Variants in COQ8B observed in about 807,000 individuals in gnomAD.
The protein encoded by COQ8B is coenzyme Q8B, also known as atypical kinase COQ8B, mitochondrial.
A neutral mutation model predicts 62.0 loss-of-function variants in COQ8B; 44 were observed. The ratio of observed to expected loss-of-function variants is 0.71; its 90% confidence interval spans 0.56 to 0.91. The LOEUF is 0.91. Among genes scored for constraint, COQ8B ranks in the 40% least tolerant of loss-of-function variants. The pLI is 0.00. For synonymous variants in COQ8B, 252 were observed against 289.9 expected (o/e 0.87, Z 1.33); for missense variants, 649 against 731.6 (o/e 0.89, Z 1.30).
intron 5 of COQ8B, among the ~76,000 whole-genome samples, chr19:40,707,607 C>T (rs895273242): frequency 1.3e-5 from 2 of 152,130 alleles, no homozygotes; most frequent in East Asian, 1.9e-4. Context: ...GCACCCACCA[C>T]CACATCCAGC....
chr19:40,713,562 A>T (rs920343888), intron 4 of COQ8B, among the ~76,000 whole-genome samples: 3 of 150,994 alleles, frequency 2.0e-5, no homozygotes, highest in African/African-American at 7.3e-5. Context: ...AAAAAAAAAA[A>T]AAAAATAGCC....
At position 40,714,277 on chromosome 19, in the gene COQ8B, C is replaced by T. The variant is rs1472651042; in HGVS notation, c.222+1G>A. ...TGCTGGGTGGGTGGGGGTAATGATA[C>T]CTGGGGCCGGGGTGTCTTCCTGGGA... On this transcript the variant is annotated splice_donor_variant, in intron 3 of 14. Transcript: ENST00000324464. LOFTEE classifies it high-confidence loss of function. The T allele has an allele frequency of 3.1e-6, 5 of 1,611,348 alleles. No homozygotes were observed. The South Asian group carries it at 3.3e-5, about 11-fold the overall frequency.
chr19:40,700,589 T>C, intron 10 of COQ8B, 138 bp from the exon 11 acceptor site: 1 of 1,107,690 alleles, frequency 9.0e-7, no homozygotes, highest in Non-Finnish European at 1.3e-6. Flanking sequence ...CTCTTGCTGC[T>C]GTCTGCCCTG....
At chr19:40,714,905 G>C (rs941991143) in intron 1 of COQ8B, 7 of 1,244,548 alleles carry the variant, frequency 5.6e-6, no homozygotes, top group Non-Finnish European at 7.1e-6. Context: ...CAGTTCCTCA[G>C]GGGCTACCTC....
chr19:40,697,845 T>TAGAGAGAGAGAGAGAG (rs1370534076), intron 12 of COQ8B, among the ~76,000 whole-genome samples: 3 of 52,504 alleles, frequency 5.7e-5, no homozygotes, highest in African/African-American at 2.7e-4. Flanking sequence ...TATATATATA[T>TAGAGAGAGAGAGAGAG]ATATATAGAG....
chr19:40,700,956 G>A (rs1185988283), intron 10 of COQ8B: 2 of 159,238 alleles, frequency 1.3e-5, no homozygotes, highest in South Asian at 1.8e-4. Context: ...TGGGGACAGA[G>A]CAGTGAATGA....
At chr19:40,704,178 C>A in intron 7 of COQ8B, 1 of 214,148 alleles carries the variant, frequency 4.7e-6, no homozygotes, top group African/African-American at 2.6e-5. Context: ...GAGACAGGGT[C>A]TTGTTCTGTA....
At chr19:40,700,825 T>C (rs2082055429) in intron 10 of COQ8B, 1 of 225,128 alleles carries the variant, frequency 4.4e-6, no homozygotes, top group Non-Finnish European at 9.1e-6. Flanking sequence ...AAGTAGTCAC[T>C]GGTATCAAAA....
chr19:40,715,672 C>T, intron 1 of COQ8B: 17 of 941,248 alleles, frequency 1.8e-5, no homozygotes, highest in Non-Finnish European at 2.2e-5. Flanking sequence ...GTCTCTGTTC[C>T]CTCACACACC....
Position 40,692,046 on chromosome 19 carries a change from C to T in COQ8B, c.1624G>A (p.Asp542Asn). 1.2e-6 allele frequency: 2 copies of T among 1,601,648 alleles called. No homozygotes were observed. Among genetic ancestry groups the T allele is most frequent in the Middle Eastern group, 1.8e-4 (1 of 5,684 alleles). ...SLPTKGDSWVDPS is the reference protein window; with the variant it reads ...SLPTKGDSWVNPS The stretch of plus-strand genomic sequence containing the variant: ...CCCCATGGAGGCTGTCATGAGGGAT[C>T]CACCCAGGAGTCCCCTTTGGTGGGG... Residue 542 changes from aspartate (D) to asparagine (N), a missense_variant, in exon 15 of 15, where the codon GAT becomes AAT. Transcript: ENST00000324464.
chr19:40,715,880 C>T, intron 1 of COQ8B: 1 of 151,298 alleles, frequency 6.6e-6, no homozygotes, highest in Non-Finnish European at 1.5e-5. Flanking sequence ...TGCGCGCGCG[C>T]GTTGGAAAGC....
At chr19:40,706,443 C>G (rs2082101640) in intron 5 of COQ8B, among the ~76,000 whole-genome samples, 1 of 152,140 alleles carries the variant, frequency 6.6e-6, no homozygotes, top group Admixed American at 6.6e-5. Context: ...CGTGTGTACT[C>G]TTGTGTTTTA....
Position 40,695,994 on chromosome 19 carries a change from T to C in COQ8B, c.1204A>G (p.Ile402Val), listed in dbSNP as rs2082012104. 9.3e-6 allele frequency: 15 copies of C among 1,614,142 alleles called. No individual in the cohort carries two copies. Among genetic ancestry groups the C allele is most frequent in the Non-Finnish European group, 9.3e-6 (11 of 1,180,020 alleles). ...GGGGTCTGGGGGAGACTCACCTCGA[T>C]GTAATGGTCTGTGAACTCTGTCCCA... Reference protein sequence around the residue: ...EFGTEFTDHYIEVVKAAADGD... With the variant: ...EFGTEFTDHYVEVVKAAADGD... The change falls in exon 13 of 15, where the codon ATC (isoleucine) becomes GTC (valine). Residue 402 changes from isoleucine (I) to valine (V), a missense_variant. Coordinates refer to ENST00000324464, the MANE Select transcript of COQ8B (RefSeq NM_024876.4).
At chr19:40,694,751 G>A (rs1380499901) in intron 13 of COQ8B, among the ~76,000 whole-genome samples, 1 of 152,136 alleles carries the variant, frequency 6.6e-6, no homozygotes, top group Non-Finnish European at 1.5e-5. Context: ...TACCCTCCGA[G>A]CCTTTTCCCA....
intron 5 of COQ8B, among the ~76,000 whole-genome samples, chr19:40,709,717 C>T (rs2082126346): frequency 6.6e-6 from 1 of 152,120 alleles, no homozygotes; most frequent in African/African-American, 2.4e-5. Flanking sequence ...TGGCATGTGC[C>T]TATAATCCCA....
chr19:40,714,134 C>A lies in COQ8B; in HGVS notation c.223-1G>T. ...TGCGTTCTCGAGAGCGGTCACTCAG[C>A]TGGGAAATGGGGACAAGGTCTGAGG... On this transcript the variant is annotated splice_acceptor_variant, in intron 3 of 14. Coordinates refer to ENST00000324464, the MANE Select transcript of COQ8B (RefSeq NM_024876.4). LOFTEE classifies it high-confidence loss of function. 1 of 1,614,172 alleles carries A rather than the reference C, an allele frequency of 6.2e-7. No individual in the cohort carries two copies. The highest frequency in any genetic ancestry group is 1.7e-4 in the Middle Eastern group (1 of 6,060).
chr19:40,702,078 A>G (rs1356380231), intron 10 of COQ8B, among the ~76,000 whole-genome samples: 1 of 152,182 alleles, frequency 6.6e-6, no homozygotes, highest in Non-Finnish European at 1.5e-5. Context: ...GTTCTAGAAC[A>G]GTCTGATGAT....
intron 12 of COQ8B, among the ~76,000 whole-genome samples, chr19:40,697,466 T>G (rs756211204): frequency 2.0e-5 from 3 of 152,074 alleles, no homozygotes. Context: ...TCTAGGGCAG[T>G]AGAGTTTGAA....
At chr19:40,714,790 G>T in intron 1 of COQ8B, 155 bp from the exon 2 acceptor site, 1 of 1,327,858 alleles carries the variant, frequency 7.5e-7, no homozygotes, top group Non-Finnish European at 9.8e-7. Context: ...TTCTCCCCTG[G>T]TTGCTAGGAA....
Sources: allele counts gnomAD v4.1 joint callset (sites outside exome capture counted in the v4.1 genomes callset), GRCh38; gene constraint gnomAD v4.1.1; transcripts MANE v1.5; gene names NCBI Gene and HGNC (gene_info 2026-07-23, HGNC 2026-07-21).